The following TAFA1 variants were observed in gnomAD, a reference collection of about 807,000 sequenced individuals.
The protein encoded by TAFA1 is TAFA chemokine like family member 1.
Under a neutral mutation model 18.5 loss-of-function variants are expected in TAFA1, and 4 were observed. The observed-to-expected ratio is 0.22, with a 90% confidence interval of 0.11 to 0.49. The LOEUF (loss-of-function observed/expected upper bound fraction) is 0.49, where lower values mean the gene tolerates loss of function less well. Ranked by LOEUF, TAFA1 falls within the 20% of genes least tolerant of loss-of-function variation. TAFA1 has a pLI of 0.98. For synonymous variants in TAFA1, 56 were observed against 55.2 expected (o/e 1.01, Z -0.06); for missense variants, 147 against 169.0 (o/e 0.87, Z 0.72).
chr3:68,118,492 G>A (rs769723063), intron 2 of TAFA1, among the ~76,000 whole-genome samples: 15 of 152,216 alleles, frequency 9.9e-5, no homozygotes, highest in Non-Finnish European at 1.5e-4. Flanking sequence ...CCAGGGGTTA[G>A]GGACCCCTGC....
chr3:68,421,936 G>T (rs2070962034), intron 3 of TAFA1, among the ~76,000 whole-genome samples: 1 of 151,920 alleles, frequency 6.6e-6, no homozygotes, highest in Non-Finnish European at 1.5e-5. Context: ...ACTAATACTG[G>T]TAAGTCATCT....
At chr3:68,091,074 G>A (rs191156845) in intron 2 of TAFA1, among the ~76,000 whole-genome samples, 6 of 152,184 alleles carry the variant, frequency 3.9e-5, no homozygotes, top group East Asian at 3.9e-4. Flanking sequence ...ACACTTTTTC[G>A]TTGTCTAATG....
chr3:68,120,169 TTCTCTTTCTTTCTTTC>T (rs1559527474), intron 2 of TAFA1, among the ~76,000 whole-genome samples: 47 of 138,254 alleles, frequency 3.4e-4, no homozygotes, highest in South Asian at 8.7e-4. Flanking sequence ...TTCTCTTTCT[TTCTCTTTCTTTCTTTC>T]TTTCTTTCTT....
upstream of TAFA1, among the ~76,000 whole-genome samples, chr3:67,999,373 TCTAACATCATCTATG>T (rs1704260170): frequency 6.6e-6 from 1 of 151,872 alleles, no homozygotes; most frequent in South Asian, 2.1e-4. Context: ...AAAGTTGTAT[TCTAACATCATCTATG>T]CTAGTTAATT....
At chr3:68,202,229 T>C (rs2066477132) in intron 2 of TAFA1, among the ~76,000 whole-genome samples, 1 of 151,754 alleles carries the variant, frequency 6.6e-6, no homozygotes, top group South Asian at 2.1e-4. Context: ...CCATTTATTT[T>C]TAATCTGTGG....
Position 68,051,745 on chromosome 3 carries a change from A to C in TAFA1, c.118+45001A>C, listed in dbSNP as rs555038855. Among the ~76,000 whole-genome samples the C allele has an allele frequency of 4.6e-5, 7 of 152,298 alleles. No homozygotes were observed. In the South Asian group the frequency reaches 1.4e-3, roughly 32 times the overall value. On this transcript the variant is annotated intron_variant, in intron 2 of 4. Coordinates refer to ENST00000478136, the MANE Select transcript of TAFA1 (RefSeq NM_213609.4). ...TTTCTCTGACTCACAGGCTTTGAAA[A>C]GATGTATGGAAATATTTTGTCAAGA...
At chr3:68,342,127 A>G (rs1448432113) in intron 2 of TAFA1, among the ~76,000 whole-genome samples, 10 of 152,164 alleles carry the variant, frequency 6.6e-5, no homozygotes, top group Admixed American at 5.9e-4. Context: ...CTCCCTAGAA[A>G]TGATCACTGA....
At chr3:68,500,279 A>T (rs1392927908) in intron 3 of TAFA1, among the ~76,000 whole-genome samples, 3 of 152,170 alleles carry the variant, frequency 2.0e-5, no homozygotes, top group Non-Finnish European at 2.9e-5. Context: ...TATTCTTCTT[A>T]AAAAATACCC....
chr3:68,171,935 A>G (rs2066058831), intron 2 of TAFA1, among the ~76,000 whole-genome samples: 2 of 152,166 alleles, frequency 1.3e-5, no homozygotes, highest in African/African-American at 4.8e-5. Flanking sequence ...AGGGAAAATG[A>G]ACAGAAAAAT....
intron 2 of TAFA1, among the ~76,000 whole-genome samples, chr3:68,172,073 T>C (rs971561946): frequency 1.3e-5 from 2 of 152,106 alleles, no homozygotes; most frequent in African/African-American, 2.4e-5. Context: ...CTTCCCAAAT[T>C]TGATGACAAA....
intron 2 of TAFA1, among the ~76,000 whole-genome samples, chr3:68,028,229 G>A (rs1704857936): frequency 6.6e-6 from 1 of 152,126 alleles, no homozygotes; most frequent in South Asian, 2.1e-4. Context: ...GAGCCTGAAA[G>A]GTGGAGGTTG....
chr3:68,124,613 AC>A (rs1162510205), intron 2 of TAFA1, among the ~76,000 whole-genome samples: 2 of 152,230 alleles, frequency 1.3e-5, no homozygotes, highest in African/African-American at 4.8e-5. Flanking sequence ...TGTTATTTCC[AC>A]AGTGTCTTAA....
intron 2 of TAFA1, among the ~76,000 whole-genome samples, chr3:68,265,087 C>T (rs568426403): frequency 3.3e-5 from 5 of 152,264 alleles, no homozygotes; most frequent in Admixed American, 6.5e-5. Flanking sequence ...GATATGTGTT[C>T]AATTTAGTAT....
chr3:68,108,068 C>T (rs1415784671), intron 2 of TAFA1, among the ~76,000 whole-genome samples: 1 of 152,108 alleles, frequency 6.6e-6, no homozygotes, highest in South Asian at 2.1e-4. Context: ...TGTTCTAATA[C>T]TTCTGACCAG....
chr3:68,311,282 A>G (rs1189997209), intron 2 of TAFA1, among the ~76,000 whole-genome samples: 1 of 148,110 alleles, frequency 6.8e-6, no homozygotes, highest in African/African-American at 2.5e-5. Flanking sequence ...AAACCATATC[A>G]TTCTGCCCCT....
chr3:68,432,913 G>T (rs1188046692), intron 3 of TAFA1, among the ~76,000 whole-genome samples: 1 of 151,984 alleles, frequency 6.6e-6, no homozygotes, highest in African/African-American at 2.4e-5. Context: ...CACGAGAGCT[G>T]CCTTTCTCTT....
chr3:68,027,030 C>T (rs1704831493), intron 2 of TAFA1, among the ~76,000 whole-genome samples: 1 of 151,870 alleles, frequency 6.6e-6, no homozygotes, highest in Admixed American at 6.6e-5. Flanking sequence ...GGAGGTGGCA[C>T]ACACTTTTAA....
At chr3:68,088,127 C>T (rs1206917997) in intron 2 of TAFA1, among the ~76,000 whole-genome samples, 3 of 152,144 alleles carry the variant, frequency 2.0e-5, no homozygotes, top group African/African-American at 7.2e-5. Flanking sequence ...GCTATTACTT[C>T]CCAAGGCTAT....
chr3:68,222,411 G>T (rs2066741976), intron 2 of TAFA1, among the ~76,000 whole-genome samples: 3 of 152,182 alleles, frequency 2.0e-5, no homozygotes, highest in Admixed American at 2.0e-4. Flanking sequence ...CATTTTCTGA[G>T]TTGTATGAAG....
Sources: gnomAD v4.1 joint callset for allele counts (sites outside exome capture counted in the v4.1 genomes callset) on GRCh38, gnomAD v4.1.1 for gene constraint, MANE v1.5 for transcripts, NCBI Gene and HGNC (gene_info 2026-07-23, HGNC 2026-07-21) for gene names.